ALDH1A2: variants seen among roughly 807,000 people sequenced by gnomAD.
ALDH1A2 encodes the protein aldehyde dehydrogenase 1 family member A2, also known as retinal dehydrogenase 2.
A neutral mutation model predicts 60.3 loss-of-function variants in ALDH1A2; 27 were observed. The observed-to-expected ratio is 0.45, with a 90% CI of 0.33 to 0.62. ALDH1A2 has a LOEUF of 0.62. Ranked by LOEUF, ALDH1A2 falls within the 20% of genes least tolerant of loss-of-function variation. The pLI is 0.02. For synonymous variants in ALDH1A2, 289 were observed against 232.4 expected, an observed-to-expected ratio of 1.24 and a Z score of -2.21; for missense variants, 581 against 643.8, an observed-to-expected ratio of 0.90 and a Z score of 1.06.
intron 1 of ALDH1A2, among the ~76,000 whole-genome samples, chr15:58,055,033 G>T (rs918359837): frequency 1.3e-5 from 2 of 152,070 alleles, no homozygotes; most frequent in Non-Finnish European, 2.9e-5. Context: ...TGTAGTTGAG[G>T]AACTGGGCTT....
chr15:57,992,021 T>A (rs1894912915), intron 7 of ALDH1A2, among the ~76,000 whole-genome samples: 1 of 152,322 alleles, frequency 6.6e-6, no homozygotes, highest in South Asian at 2.1e-4. Flanking sequence ...GCCTACAAGC[T>A]AAAACCAGTT....
chr15:58,019,610 A>G (rs1047622638), intron 1 of ALDH1A2, among the ~76,000 whole-genome samples: 3 of 152,170 alleles, frequency 2.0e-5, no homozygotes, highest in African/African-American at 4.8e-5. Context: ...TCCATAAAAG[A>G]AGGCACCTAT....
At chr15:58,023,660 A>AAAAAAAAAAAG (rs2140530136) in intron 1 of ALDH1A2, among the ~76,000 whole-genome samples, 1 of 149,670 alleles carries the variant, frequency 6.7e-6, no homozygotes, top group East Asian at 2.0e-4. Context: ...AGTGCTGGGA[A>AAAAAAAAAAAG]AAAAAAAAAA....
chr15:58,028,819 G>T (rs1896150523), intron 1 of ALDH1A2, among the ~76,000 whole-genome samples: 1 of 152,100 alleles, frequency 6.6e-6, no homozygotes, highest in South Asian at 2.1e-4. Flanking sequence ...TTACATAATG[G>T]TATAGGGATC....
chr15:58,029,294 A>G (rs1488409079), intron 1 of ALDH1A2, among the ~76,000 whole-genome samples: 2 of 152,186 alleles, frequency 1.3e-5, no homozygotes, highest in African/African-American at 2.4e-5. Flanking sequence ...CTGAATGACT[A>G]CTGGGTAAAT....
intron 1 of ALDH1A2, among the ~76,000 whole-genome samples, chr15:58,053,979 G>C (rs1051745731): frequency 6.6e-6 from 1 of 152,012 alleles, no homozygotes; most frequent in African/African-American, 2.4e-5. Context: ...AGTATATGTC[G>C]CCAATTCAAT....
At position 58,020,666 on chromosome 15, in the gene ALDH1A2, C is replaced by A. The variant is rs193069068; in HGVS notation, c.118-6385G>T. 2.6e-5 allele frequency among the ~76,000 whole-genome samples: 4 copies of A among 152,292 alleles called. No homozygotes were observed. The East Asian group carries it at 7.7e-4, about 29-fold the overall frequency. On this transcript the variant is annotated intron_variant, in intron 1 of 12. Transcript: ENST00000249750. ...CCCACCCTGCCACTAGAGGTAACCA[C>A]TAACCTGTATTTTTAATTTATTTAT...
intron 5 of ALDH1A2, among the ~76,000 whole-genome samples, chr15:57,994,139 C>G (rs1229105797): frequency 6.6e-6 from 1 of 152,156 alleles, no homozygotes; most frequent in East Asian, 1.9e-4. Context: ...AAGTTTGAAT[C>G]CTACGAGGAA....
intron 5 of ALDH1A2, among the ~76,000 whole-genome samples, chr15:57,994,193 C>T (rs970508947): frequency 3.9e-5 from 6 of 152,190 alleles, no homozygotes; most frequent in African/African-American, 7.2e-5. Context: ...AGGATTTCCC[C>T]AGGGCCTTTA....
intron 1 of ALDH1A2, among the ~76,000 whole-genome samples, chr15:58,043,993 A>G (rs1009584950): frequency 1.3e-5 from 2 of 151,876 alleles, no homozygotes; most frequent in Non-Finnish European, 2.9e-5. Flanking sequence ...AAGGCCACAT[A>G]CCCCGGATTT....
chr15:57,989,023 C>G (rs1309440126), intron 7 of ALDH1A2, among the ~76,000 whole-genome samples: 9 of 152,254 alleles, frequency 5.9e-5, no homozygotes, highest in Non-Finnish European at 1.2e-4. Context: ...AAAAAATTAG[C>G]CAGGCATGGT....
At chr15:57,971,435 A>G (rs116104665) in intron 7 of ALDH1A2, among the ~76,000 whole-genome samples, 2,051 of 152,250 alleles carry the variant, frequency 0.013, 52 homozygotes, top group African/African-American at 0.046. Flanking sequence ...GCATATGTAC[A>G]CAGATTTTAA....
intron 1 of ALDH1A2, among the ~76,000 whole-genome samples, chr15:58,035,088 T>C (rs1896342967): frequency 1.3e-5 from 2 of 151,688 alleles, no homozygotes; most frequent in Admixed American, 1.3e-4. Context: ...CTGGACTTAG[T>C]GCTTTCTTTT....
At chr15:58,043,154 G>C (rs1896559193) in intron 1 of ALDH1A2, among the ~76,000 whole-genome samples, 1 of 151,896 alleles carries the variant, frequency 6.6e-6, no homozygotes, top group South Asian at 2.1e-4. Context: ...ACCAGACCTG[G>C]TGACTGAAGG....
chr15:58,061,617 A>AAAAAAAC (rs1897040422), intron 1 of ALDH1A2, among the ~76,000 whole-genome samples: 2 of 149,848 alleles, frequency 1.3e-5, no homozygotes, highest in Non-Finnish European at 3.0e-5. Flanking sequence ...AAACAAAAAA[A>AAAAAAAC]AAAAAAAAAC....
At chr15:57,989,059 G>A (rs1490277412) in intron 7 of ALDH1A2, among the ~76,000 whole-genome samples, 3 of 152,080 alleles carry the variant, frequency 2.0e-5, no homozygotes, top group African/African-American at 4.8e-5. Context: ...TCCCAGCTAC[G>A]AATCACTTGA....
intron 1 of ALDH1A2, among the ~76,000 whole-genome samples, chr15:58,056,337 G>C (rs1482434436): frequency 1.3e-5 from 2 of 151,976 alleles, no homozygotes; most frequent in Non-Finnish European, 2.9e-5. Flanking sequence ...AGACTTCAAG[G>C]AATACAATTT....
At chr15:57,994,867 G>T (rs945128451) in intron 5 of ALDH1A2, among the ~76,000 whole-genome samples, 1 of 152,066 alleles carries the variant, frequency 6.6e-6, no homozygotes, top group Non-Finnish European at 1.5e-5. Context: ...CATGACTTGA[G>T]AATTCAACTC....
intron 12 of ALDH1A2, among the ~76,000 whole-genome samples, chr15:57,955,747 T>G (rs1893500665): frequency 8.6e-6 from 1 of 115,616 alleles, no homozygotes; most frequent in Non-Finnish European, 2.1e-5. Flanking sequence ...GTAGTGTGCT[T>G]TCCTCCCCCA....
Sources: gnomAD v4.1 joint callset for allele counts (sites outside exome capture counted in the v4.1 genomes callset) on GRCh38, gnomAD v4.1.1 for gene constraint, MANE v1.5 for transcripts, NCBI Gene and HGNC (gene_info 2026-07-23, HGNC 2026-07-21) for gene names.